Variants in DNAH9 observed in about 807,000 individuals in gnomAD.
DNAH9 encodes the protein DNAH9 variant protein.
DNAH9 carries 345 observed loss-of-function variants against 471.6 expected under a neutral mutation model. That is an observed-to-expected ratio of 0.73 (90% CI 0.67 to 0.80). The LOEUF is 0.80. DNAH9 is among the 30% of genes least tolerant of loss of function. DNAH9 has a pLI of 0.00. For missense variants in DNAH9, 5,407 were observed against 5,609.2 expected, an observed-to-expected ratio of 0.96 and a Z score of 1.15; for synonymous variants, 2,093 against 2,123.6, an observed-to-expected ratio of 0.99 and a Z score of 0.40.
chr17:11,854,086 T>C lies in DNAH9; in HGVS notation c.9591T>C (p.Ala3197=), dbSNP rs2150970334. The change falls in exon 50 of 69, where the codon GCT becomes GCC. Residue 3197 remains alanine, a synonymous_variant. Coordinates refer to ENST00000262442, the MANE Select transcript of DNAH9 (RefSeq NM_001372.4). ...GCGCTGCGGTGATGGTACTGATGGCTCCCAGGGGTAGGGTGCCCAAGGACC... is the reference window on the plus strand; with the variant it reads ...GCGCTGCGGTGATGGTACTGATGGCCCCCAGGGGTAGGGTGCCCAAGGACC... ...NVSAAVMVLM[A]PRGRVPKDRS... is the part of the protein sequence containing the mutation. 2 of 1,614,116 alleles carry C rather than the reference T, an allele frequency of 1.2e-6. No individual in the cohort carries two copies. Among genetic ancestry groups the C allele is most frequent in the Non-Finnish European group, 1.7e-6 (2 of 1,180,012 alleles).
chr17:11,714,314 G>A (rs548619406), intron 26 of DNAH9, among the ~76,000 whole-genome samples: 47 of 152,212 alleles, frequency 3.1e-4, no homozygotes, highest in African/African-American at 8.4e-4. Flanking sequence ...ATTGGATTTT[G>A]TTGGGTCTGT....
chr17:11,724,007 T>C (rs762967227), intron 27 of DNAH9, among the ~76,000 whole-genome samples: 1 of 152,184 alleles, frequency 6.6e-6, no homozygotes, highest in Non-Finnish European at 1.5e-5. Context: ...ATCTTTTTTA[T>C]TGATACATCA....
intron 45 of DNAH9, among the ~76,000 whole-genome samples, chr17:11,814,367 C>T (rs1223155380): frequency 6.6e-6 from 1 of 152,174 alleles, no homozygotes; most frequent in Non-Finnish European, 1.5e-5. Flanking sequence ...CTAGTCAGCT[C>T]CAAGTGTGAT....
intron 4 of DNAH9, among the ~76,000 whole-genome samples, chr17:11,614,858 C>T (rs2072710343): frequency 6.6e-6 from 1 of 152,214 alleles, no homozygotes; most frequent in African/African-American, 2.4e-5. Flanking sequence ...CTCTCATGGC[C>T]TAGTGGCCTC....
chr17:11,665,193 C>T (rs1010501121), intron 15 of DNAH9, among the ~76,000 whole-genome samples: 1 of 152,156 alleles, frequency 6.6e-6, no homozygotes, highest in African/African-American at 2.4e-5. Flanking sequence ...GGCTGTAAGA[C>T]AGTGGTGCAC....
chr17:11,811,347 C>T (rs999515484), intron 45 of DNAH9, among the ~76,000 whole-genome samples: 4 of 151,888 alleles, frequency 2.6e-5, no homozygotes, highest in Non-Finnish European at 5.9e-5. Context: ...GGTTATAAAA[C>T]GAGATAAAGA....
At chr17:11,646,783 C>T (rs773965041) in intron 11 of DNAH9, among the ~76,000 whole-genome samples, 2 of 152,142 alleles carry the variant, frequency 1.3e-5, no homozygotes, top group South Asian at 4.1e-4. Context: ...CGTGGTGGCA[C>T]ATGCCTGTAA....
At chr17:11,600,106 AAG>A (rs1290448317) in intron 1 of DNAH9, among the ~76,000 whole-genome samples, 1 of 152,172 alleles carries the variant, frequency 6.6e-6, no homozygotes, top group African/African-American at 2.4e-5. Context: ...AGGGCCCAGG[AAG>A]CTAGATCTCT....
intron 14 of DNAH9, among the ~76,000 whole-genome samples, chr17:11,659,890 C>T (rs1423011773): frequency 2.0e-5 from 3 of 152,228 alleles, no homozygotes; most frequent in African/African-American, 7.2e-5. Flanking sequence ...TCGTAGCCCC[C>T]ACGACCTGGT....
rs1232009069 is a variant in DNAH9, at chr17:11,793,520, A to C, written c.8079A>C (p.Ser2693=). The change falls in exon 42 of 69, where the codon TCA becomes TCC. Residue 2693 remains serine, a synonymous_variant. Coordinates refer to ENST00000262442, the MANE Select transcript of DNAH9 (RefSeq NM_001372.4). ...ANIFQGILFS[S]VECVKSTWDL... is the part of the protein sequence containing the mutation. ...CCTTGAAGGGCATTCTCTTCTCCTC[A>C]GTGGAATGTGTGAAATCCACATGGG... 6 of 1,612,376 alleles carry C rather than the reference A, an allele frequency of 3.7e-6. No homozygotes were observed. The highest frequency in any genetic ancestry group is 1.3e-5 in the African/African-American group (1 of 74,812).
At chr17:11,815,644 C>T (rs1406602432) in intron 45 of DNAH9, among the ~76,000 whole-genome samples, 5 of 152,022 alleles carry the variant, frequency 3.3e-5, no homozygotes, top group South Asian at 2.1e-4. Context: ...CAAAGAGTAT[C>T]GGGGCTTGAT....
intron 58 of DNAH9, among the ~76,000 whole-genome samples, chr17:11,893,178 C>CAA (rs58420771): frequency 0.027 from 2,591 of 95,154 alleles, 155 homozygotes; most frequent in African/African-American, 0.098. Context: ...TTGGCCTTTG[C>CAA]AAAAAAAAAA....
intron 1 of DNAH9, among the ~76,000 whole-genome samples, chr17:11,605,674 A>ATTTTTTTTTTTTTTTTTTTTTT (rs59748847): frequency 4.8e-5 from 7 of 145,006 alleles, no homozygotes; most frequent in African/African-American, 1.3e-4. Flanking sequence ...CAATTTTTCT[A>ATTTTTTTTTTTTTTTTTTTTTT]TTTTTTTTTT....
chr17:11,674,521 C>T (rs2074021034), intron 17 of DNAH9, among the ~76,000 whole-genome samples: 1 of 152,104 alleles, frequency 6.6e-6, no homozygotes, highest in Admixed American at 6.5e-5. Context: ...ATCTGTGGCT[C>T]ATTTTTCTAC....
intron 27 of DNAH9, chr17:11,723,360 AC>A (rs1292411112): frequency 6.6e-6 from 1 of 152,058 alleles, no homozygotes; most frequent in African/African-American, 2.4e-5. Flanking sequence ...ATTGTTCAGC[AC>A]CCTTCTCACT....
At chr17:11,942,901 T>TTC (rs1555527981) in intron 67 of DNAH9, among the ~76,000 whole-genome samples, 1 of 148,924 alleles carries the variant, frequency 6.7e-6, no homozygotes, top group African/African-American at 2.5e-5. Flanking sequence ...TTTTTCTTTT[T>TTC]TTTTTTTTTT....
Position 11,652,779 on chromosome 17 carries a change from C to G in DNAH9, c.2372C>G (p.Thr791Ser), listed in dbSNP as rs1197467140. 1.9e-6 allele frequency: 3 copies of G among 1,613,182 alleles called. No individual in the cohort carries two copies. Among genetic ancestry groups the G allele is most frequent in the East Asian group, 2.2e-5 (1 of 44,882 alleles). The change falls in exon 14 of 69, where the codon ACT becomes AGT. Residue 791 changes from threonine (T) to serine (S), a missense_variant. Physicochemically the swap from Thr to Ser is moderately conservative, Grantham distance 58. Coordinates refer to ENST00000262442, the MANE Select transcript of DNAH9 (RefSeq NM_001372.4). Reference sequence around the variant, plus strand: ...GGAACAGGCATTTGCGATTATGTCACTGAAATCACCAGTAGTATTCATGAT... The same window carrying G: ...GGAACAGGCATTTGCGATTATGTCAGTGAAATCACCAGTAGTATTCATGAT... ...WKTEGICDYV[T>S]EITSSIHDLE...
Position 11,705,123 on chromosome 17 carries a change from T to G in DNAH9, c.5490T>G (p.Phe1830Leu), listed in dbSNP as rs560271363. The change falls in exon 26 of 69, where the codon TTT becomes TTG. Residue 1830 changes from phenylalanine (F) to leucine (L), a missense_variant. By Grantham distance (22) the Phe-to-Leu change is conservative (BLOSUM62 0). Coordinates refer to ENST00000262442, the MANE Select transcript of DNAH9 (RefSeq NM_001372.4). ...TTGCCAACATCTGTGATGCCCAGTT[T>G]TTGTATTCCTATGAGTACCTGGGAA... ...HCFANICDAQ[F>L]LYSYEYLGNT... 3 of 1,614,066 alleles carry G rather than the reference T, an allele frequency of 1.9e-6. No homozygotes were observed. The highest frequency in any genetic ancestry group is 2.5e-6 in the Non-Finnish European group (3 of 1,180,006).
chr17:11,647,448 T>C (rs2073416764), intron 12 of DNAH9, among the ~76,000 whole-genome samples: 1 of 152,182 alleles, frequency 6.6e-6, no homozygotes, highest in African/African-American at 2.4e-5. Context: ...AAATAATTTG[T>C]ACCCTGGATT....
Sources: gnomAD v4.1 joint callset for allele counts (sites outside exome capture counted in the v4.1 genomes callset) on GRCh38, gnomAD v4.1.1 for gene constraint, MANE v1.5 for transcripts, NCBI Gene and HGNC (gene_info 2026-07-23, HGNC 2026-07-21) for gene names.